The following RPS6KA5 variants were observed in gnomAD, a reference collection of about 807,000 sequenced individuals.
RPS6KA5 encodes ribosomal protein S6 kinase A5, also known as ribosomal protein S6 kinase alpha-5.
In RPS6KA5, 27 loss-of-function variants were observed where a neutral mutation model predicts 85.5. The observed-to-expected ratio is 0.32, with a 90% CI of 0.23 to 0.44. The LOEUF (loss-of-function observed/expected upper bound fraction) is 0.44. Among genes scored for constraint, RPS6KA5 ranks in the 20% least tolerant of loss-of-function variants. The probability of loss-of-function intolerance (pLI) is 1.00; values close to 1 mark genes in which losing one functional copy is unlikely to be tolerated. For missense variants in RPS6KA5, 811 were observed against 980.9 expected, an observed-to-expected ratio of 0.83 and a Z score of 2.31; for synonymous variants, 334 against 348.2, an observed-to-expected ratio of 0.96 and a Z score of 0.46.
chr14:90,927,980 G>T (rs1209876775), intron 5 of RPS6KA5, among the ~76,000 whole-genome samples: 1 of 135,294 alleles, frequency 7.4e-6, no homozygotes, highest in East Asian at 2.2e-4. Context: ...CTGTCATCCA[G>T]GCTGGAGTGT....
At chr14:91,014,914 AT>A (rs1170832711) in intron 1 of RPS6KA5, among the ~76,000 whole-genome samples, 1 of 152,218 alleles carries the variant, frequency 6.6e-6, no homozygotes, top group Admixed American at 6.5e-5. Context: ...TATATGAAGT[AT>A]CTATGGGATT....
At chr14:91,035,912 A>C (rs1887908737) in intron 1 of RPS6KA5, among the ~76,000 whole-genome samples, 2 of 148,402 alleles carry the variant, frequency 1.3e-5, no homozygotes, top group Admixed American at 1.4e-4. Flanking sequence ...GTAATACAAC[A>C]CTCCAAACTG....
intron 14 of RPS6KA5, 129 bp downstream of exon 14, chr14:90,890,358 C>A: frequency 6.7e-6 from 4 of 596,254 alleles, no homozygotes; most frequent in Non-Finnish European, 1.1e-5. Flanking sequence ...AGGCCTCTAA[C>A]TGGCTGTACA....
chr14:90,983,221 T>C (rs2039878807), intron 2 of RPS6KA5, among the ~76,000 whole-genome samples: 1 of 143,026 alleles, frequency 7.0e-6, no homozygotes, highest in Non-Finnish European at 1.5e-5. Context: ...AGGTTGCAGT[T>C]AGCCAAGGTC....
At chr14:90,949,893 T>G (rs770574720) in intron 3 of RPS6KA5, among the ~76,000 whole-genome samples, 1 of 152,226 alleles carries the variant, frequency 6.6e-6, no homozygotes, top group Non-Finnish European at 1.5e-5. Context: ...CTTCCTACTT[T>G]TGGGATGGAT....
chr14:90,995,928 A>G (rs529498779), intron 2 of RPS6KA5, among the ~76,000 whole-genome samples: 1 of 152,278 alleles, frequency 6.6e-6, no homozygotes, highest in African/African-American at 2.4e-5. Context: ...AAATAAGTAA[A>G]TAAGCAAGCA....
At position 90,855,973 on chromosome 14, in the gene RPS6KA5, A is replaced by T. The variant is rs1167544420; in HGVS notation, c.*16101T>A. The T allele has an allele frequency of 2.0e-5, 3 of 152,172 alleles. No homozygotes were observed. The East Asian group carries it at 5.8e-4, about 29-fold the overall frequency. 9.4% of individuals were successfully genotyped at this position (152,172 alleles called of 1,614,324 possible). A position where few individuals can be genotyped will look rare whatever the true frequency, so the allele number is the denominator to read the frequency against. ...GATCCACCCGCCTTGGCCTCCCAAA[A>T]GGCCGGTGCTCCCATTATTATAATG... is the stretch of plus-strand genomic sequence containing the variant. On this transcript the variant is annotated 3_prime_UTR_variant, in exon 17 of 17. Transcript: ENST00000614987.
chr14:90,953,319 T>TA (rs1285588102), intron 3 of RPS6KA5, among the ~76,000 whole-genome samples: 1 of 152,226 alleles, frequency 6.6e-6, no homozygotes, highest in East Asian at 1.9e-4. Flanking sequence ...ATAATACTCT[T>TA]ATAATTTCTT....
chr14:90,875,070 G>A, intron 15 of RPS6KA5, 131 bp downstream of exon 15: 2 of 850,044 alleles, frequency 2.4e-6, no homozygotes, highest in Non-Finnish European at 3.7e-6. Context: ...GCTGAAGAGA[G>A]TAGCCTGGAA....
At position 90,861,400 on chromosome 14, in the gene RPS6KA5, T is replaced by A. The variant is rs1481528120; in HGVS notation, c.*10674A>T. 1 of 148,474 alleles carries A rather than the reference T, an allele frequency of 6.7e-6. No individual in the cohort carries two copies. Among genetic ancestry groups the A allele is most frequent in the African/African-American group, 2.5e-5 (1 of 40,046 alleles). The allele number at this position is 148,474 out of a possible 1,614,324, so 9.2% of individuals were successfully genotyped here. On this transcript the variant is annotated 3_prime_UTR_variant, in exon 17 of 17. Transcript: ENST00000614987. ...AGCCGGGCGTAGTGGCAGGCGCCTGTAGCCCCAGCTACTTGGGAGGCTGAG... is the reference window on the plus strand; with the variant it reads ...AGCCGGGCGTAGTGGCAGGCGCCTGAAGCCCCAGCTACTTGGGAGGCTGAG...
chr14:90,853,391 T>A lies in RPS6KA5; in HGVS notation c.*18683A>T, dbSNP rs2032107735. On this transcript the variant is annotated 3_prime_UTR_variant, in exon 17 of 17. Coordinates refer to ENST00000614987, the MANE Select transcript of RPS6KA5 (RefSeq NM_004755.4). ...AGATCTCCCATTAAGACATCAACAA[T>A]GAAGTGGCTAATAAAAAAGTAAGCA... The A allele has an allele frequency of 6.6e-6, 1 of 151,914 alleles. No homozygotes were observed. The highest frequency in any genetic ancestry group is 1.5e-5 in the Non-Finnish European group (1 of 67,994). 9.4% of individuals were successfully genotyped at this position (151,914 alleles called of 1,614,324 possible). A position where few individuals can be genotyped will look rare whatever the true frequency, so the allele number is the denominator to read the frequency against.
chr14:90,860,707 AAAG>A lies in RPS6KA5; in HGVS notation c.*11364_*11366del, dbSNP rs1174043959. 3.9e-5 allele frequency: 6 copies of A among 152,146 alleles called. No homozygotes were observed. In the East Asian group the frequency reaches 5.8e-4, roughly 15 times the overall value. The allele number at this position is 152,146 out of a possible 1,614,324, so 9.4% of individuals were successfully genotyped here. On this transcript the variant is annotated 3_prime_UTR_variant, in exon 17 of 17. Coordinates refer to ENST00000614987, the MANE Select transcript of RPS6KA5 (RefSeq NM_004755.4). ...AAATACAGAAAAATAAAGGCAAAAG[AAAG>A]AAGGTTTCAAAAAACAAAAGCTGAG...
In RPS6KA5 at chr14:91,034,031, C is replaced by T. The variant is rs75631162; in HGVS notation, c.103+26301G>A. ...CATAAAGAATTCTTTTTAGGCCAGG[C>T]GCAGTGGTTCATGCCTGTATTCTCA... On this transcript the variant is annotated intron_variant, in intron 1 of 16. Coordinates refer to ENST00000614987, the MANE Select transcript of RPS6KA5 (RefSeq NM_004755.4). 4.1e-3 allele frequency among the ~76,000 whole-genome samples: 620 copies of T among 152,118 alleles called. 7 individuals are homozygous for T. The highest frequency in any genetic ancestry group is 0.014 in the African/African-American group (570 of 41,490).
chr14:90,979,344 G>A (rs1334020394), intron 2 of RPS6KA5, among the ~76,000 whole-genome samples: 1 of 152,230 alleles, frequency 6.6e-6, no homozygotes, highest in East Asian at 1.9e-4. Flanking sequence ...AAAACACTTT[G>A]GGAATGAAAA....
chr14:90,970,255 G>A (rs151095224), intron 3 of RPS6KA5, among the ~76,000 whole-genome samples: 134 of 152,236 alleles, frequency 8.8e-4, no homozygotes, highest in Middle Eastern at 3.4e-3. Context: ...TTACTTCAAA[G>A]CAAGGAAGTG....
rs549949902 is a variant in RPS6KA5 at position 90,869,492 on chromosome 14, T to C, written c.*2582A>G. 2 of 152,322 alleles carry C rather than the reference T, an allele frequency of 1.3e-5. No homozygotes were observed. Among genetic ancestry groups the C allele is most frequent in the Admixed American group, 6.5e-5 (1 of 15,296 alleles). 9.4% of individuals were successfully genotyped at this position (152,322 alleles called of 1,614,324 possible). Reference sequence around the variant, plus strand: ...CAAAATATATGAATCAGGATTTATGTTGGCATGAAAATTATATGCAATACA... The same window carrying C: ...CAAAATATATGAATCAGGATTTATGCTGGCATGAAAATTATATGCAATACA... On this transcript the variant is annotated 3_prime_UTR_variant, in exon 17 of 17. Transcript: ENST00000614987.
intron 1 of RPS6KA5, among the ~76,000 whole-genome samples, chr14:91,045,771 C>T (rs982054615): frequency 6.6e-6 from 1 of 152,150 alleles, no homozygotes; most frequent in Non-Finnish European, 1.5e-5. Context: ...CATTCTTCAA[C>T]TGGAAATCTT....
chr14:90,940,833 A>T (rs2140348076), intron 5 of RPS6KA5, among the ~76,000 whole-genome samples: 1 of 152,290 alleles, frequency 6.6e-6, no homozygotes, highest in South Asian at 2.1e-4. Context: ...TAGGAGTGCC[A>T]ACCCTATTGT....
At chr14:90,997,482 AATCCT>A (rs2040580370) in intron 2 of RPS6KA5, among the ~76,000 whole-genome samples, 1 of 152,104 alleles carries the variant, frequency 6.6e-6, no homozygotes, top group East Asian at 1.9e-4. Flanking sequence ...CTGTTCAAGC[AATCCT>A]CCCACCTCAG....
Sources: gnomAD v4.1 joint callset for allele counts (sites outside exome capture counted in the v4.1 genomes callset) on GRCh38, gnomAD v4.1.1 for gene constraint, MANE v1.5 for transcripts, NCBI Gene and HGNC (gene_info 2026-07-23, HGNC 2026-07-21) for gene names.